The following SH3KBP1 variants were observed in gnomAD, a reference collection of about 807,000 sequenced individuals.
The protein encoded by SH3KBP1 is SH3 domain containing kinase binding protein 1.
SH3KBP1 carries 8 observed loss-of-function variants against 50.1 expected under a neutral mutation model. That is an observed-to-expected ratio of 0.16 (90% CI 0.09 to 0.29). SH3KBP1 has a LOEUF of 0.29. Ranked by LOEUF, SH3KBP1 falls within the 10% of genes least tolerant of loss-of-function variation. SH3KBP1 has a pLI of 1.00. For synonymous variants in SH3KBP1, 227 were observed against 218.6 expected, an observed-to-expected ratio of 1.04 and a Z score of -0.34; for missense variants, 377 against 535.2, an observed-to-expected ratio of 0.70 and a Z score of 2.92.
chrX:19,539,120 A>G (rs750875117), intron 16 of SH3KBP1, among the ~76,000 whole-genome samples: 1 of 112,176 alleles, frequency 8.9e-6, no homozygotes, highest in African/African-American at 3.2e-5. Flanking sequence ...CCACAAAGTT[A>G]GGGCTCTATA....
intron 1 of SH3KBP1, among the ~76,000 whole-genome samples, chrX:19,862,038 T>G (rs978825386): frequency 8.9e-6 from 1 of 112,101 alleles, no homozygotes; most frequent in African/African-American, 3.2e-5. Flanking sequence ...CTGCTCTGAT[T>G]GTGCTTTGTC....
At chrX:19,720,180 G>A (rs765060999) in intron 3 of SH3KBP1, among the ~76,000 whole-genome samples, 1 of 110,780 alleles carries the variant, frequency 9.0e-6, no homozygotes, top group Admixed American at 9.6e-5. Context: ...CATAAAATCA[G>A]TGACGTCTCT....
chrX:19,875,863 C>T (rs2069235298), intron 1 of SH3KBP1, among the ~76,000 whole-genome samples: 1 of 112,616 alleles, frequency 8.9e-6, no homozygotes, highest in African/African-American at 3.2e-5. Context: ...GGCAGCTGGC[C>T]CACACCTAGC....
intron 2 of SH3KBP1, among the ~76,000 whole-genome samples, chrX:19,821,597 C>G (rs1022921345): frequency 1.4e-4 from 15 of 110,524 alleles, no homozygotes; most frequent in African/African-American, 4.3e-4. Context: ...GGCATGATCT[C>G]GGATCACTGC....
intron 2 of SH3KBP1, among the ~76,000 whole-genome samples, chrX:19,812,124 C>T (rs1296925335): frequency 9.0e-6 from 1 of 111,683 alleles, no homozygotes; most frequent in East Asian, 2.8e-4. Flanking sequence ...CTCCCAGACA[C>T]ATGATATCAT....
At chrX:19,773,494 AAC>A (rs749894154) in intron 2 of SH3KBP1, among the ~76,000 whole-genome samples, 5,833 of 94,008 alleles carry the variant, frequency 0.062, 303 homozygotes, top group African/African-American at 0.16. Context: ...CACACACACA[AAC>A]ACACACACAC....
At chrX:19,788,286 CA>C (rs1170966414) in intron 2 of SH3KBP1, among the ~76,000 whole-genome samples, 120 of 65,675 alleles carry the variant, frequency 1.8e-3, no homozygotes, top group African/African-American at 2.5e-3. Flanking sequence ...AAAAAAAAAA[CA>C]AAAAAAAAAA....
chrX:19,767,377 GC>G (rs1354326802), intron 2 of SH3KBP1, among the ~76,000 whole-genome samples: 3 of 112,394 alleles, frequency 2.7e-5, no homozygotes, highest in Non-Finnish European at 5.6e-5. Flanking sequence ...TTCCTAAGAA[GC>G]CACATCTGCT....
At chrX:19,750,961 T>C (rs900131604) in intron 2 of SH3KBP1, among the ~76,000 whole-genome samples, 2 of 111,252 alleles carry the variant, frequency 1.8e-5, no homozygotes, top group African/African-American at 6.6e-5. Context: ...GAAACCAAAC[T>C]CTGAGCCTTC....
chrX:19,800,888 A>C (rs2066870258), intron 2 of SH3KBP1, among the ~76,000 whole-genome samples: 2 of 111,505 alleles, frequency 1.8e-5, no homozygotes, highest in Non-Finnish European at 3.8e-5. Flanking sequence ...TGCATTTAAC[A>C]TAAAAAAGGC....
intron 3 of SH3KBP1, among the ~76,000 whole-genome samples, chrX:19,712,209 A>G (rs1439614613): frequency 8.9e-6 from 1 of 112,380 alleles, no homozygotes; most frequent in Non-Finnish European, 1.9e-5. Context: ...CCTACGGCAA[A>G]GAAGATACAA....
intron 2 of SH3KBP1, among the ~76,000 whole-genome samples, chrX:19,783,013 G>T (rs2066229685): frequency 8.9e-6 from 1 of 111,951 alleles, no homozygotes; most frequent in Admixed American, 9.4e-5. Flanking sequence ...AGCTACTCAG[G>T]TGGTTGGGGT....
At chrX:19,795,097 G>C (rs7888673) in intron 2 of SH3KBP1, among the ~76,000 whole-genome samples, 14,813 of 111,202 alleles carry the variant, frequency 0.13, 787 homozygotes, top group African/African-American at 0.17. Flanking sequence ...GGCATGTTAC[G>C]ATATTCGCTC....
chrX:19,643,322 A>ATTTTTTTTTTTTT (rs1237715100), intron 7 of SH3KBP1, among the ~76,000 whole-genome samples: 1 of 72,164 alleles, frequency 1.4e-5, no homozygotes, highest in Non-Finnish European at 2.5e-5. Flanking sequence ...TTTTTTTTTT[A>ATTTTTTTTTTTTT]TTTTTTTTTT....
At chrX:19,748,760 C>T (rs1316201782) in intron 2 of SH3KBP1, among the ~76,000 whole-genome samples, 1 of 110,821 alleles carries the variant, frequency 9.0e-6, no homozygotes, top group East Asian at 2.8e-4. Context: ...CACCCAAAGC[C>T]AATACCTTTT....
intron 1 of SH3KBP1, among the ~76,000 whole-genome samples, chrX:19,862,584 G>T (rs1040934222): frequency 9.1e-6 from 1 of 109,785 alleles, no homozygotes; most frequent in African/African-American, 3.3e-5. Context: ...CCAAACTGGT[G>T]TCTTATCTTT....
chrX:19,612,878 T>G (rs1405775701), intron 8 of SH3KBP1, among the ~76,000 whole-genome samples: 1 of 111,986 alleles, frequency 8.9e-6, no homozygotes, highest in Non-Finnish European at 1.9e-5. Flanking sequence ...GGACAAGAAC[T>G]GAGGCAATGA....
chrX:19,588,380 G>T, intron 12 of SH3KBP1: 2 of 1,098,072 alleles, frequency 1.8e-6, no homozygotes, highest in South Asian at 5.0e-5. Context: ...CCCTGTGTGT[G>T]AGCAGGGCCT....
chrX:19,645,087 T>C (rs746289089), intron 7 of SH3KBP1, among the ~76,000 whole-genome samples: 1 of 112,113 alleles, frequency 8.9e-6, no homozygotes, highest in South Asian at 3.7e-4. Flanking sequence ...CTCTAAAATC[T>C]TTCAGCCACC....
Sources: gnomAD v4.1 joint callset for allele counts (sites outside exome capture counted in the v4.1 genomes callset) on GRCh38, gnomAD v4.1.1 for gene constraint, MANE v1.5 for transcripts, NCBI Gene and HGNC (gene_info 2026-07-23, HGNC 2026-07-21) for gene names.